Variants in ANKRD44 observed in about 807,000 individuals in gnomAD.
The protein encoded by ANKRD44 is ankyrin repeat domain 44, also known as serine/threonine-protein phosphatase 6 regulatory ankyrin repeat subunit B.
In ANKRD44, 35 loss-of-function variants were observed where a neutral mutation model predicts 116.0. The observed-to-expected ratio is 0.30, with a 90% CI of 0.23 to 0.40. ANKRD44 has a LOEUF of 0.40. Among genes scored for constraint, ANKRD44 ranks in the 10% least tolerant of loss-of-function variants. The pLI, the probability that ANKRD44 is intolerant of heterozygous loss-of-function variation, is 1.00. For synonymous variants in ANKRD44, 435 were observed against 461.8 expected (o/e 0.94, Z 0.74); for missense variants, 1,014 against 1,242.6 (o/e 0.82, Z 2.77).
At chr2:197,040,763 T>C (rs1359120887) in intron 16 of ANKRD44, among the ~76,000 whole-genome samples, 1 of 152,204 alleles carries the variant, frequency 6.6e-6, no homozygotes, top group Non-Finnish European at 1.5e-5. Context: ...CATAGCTTAT[T>C]GCCCTGTAGG....
chr2:197,209,424 C>T (rs1018082863), intron 1 of ANKRD44, among the ~76,000 whole-genome samples: 1 of 152,132 alleles, frequency 6.6e-6, no homozygotes, highest in Non-Finnish European at 1.5e-5. Context: ...GGATGGGAGT[C>T]GGAGAAAGGC....
chr2:197,124,398 CAT>C (rs1400996537), intron 6 of ANKRD44, among the ~76,000 whole-genome samples: 1 of 152,162 alleles, frequency 6.6e-6, no homozygotes, highest in African/African-American at 2.4e-5. Context: ...CATCCACAAT[CAT>C]AAATCCCCAA....
chr2:197,096,772 G>A (rs2078170584), intron 10 of ANKRD44, among the ~76,000 whole-genome samples: 2 of 152,114 alleles, frequency 1.3e-5, no homozygotes, highest in Admixed American at 1.3e-4. Context: ...CCAGATAACA[G>A]TGATTTTCTG....
intron 9 of ANKRD44, among the ~76,000 whole-genome samples, chr2:197,105,183 G>A (rs947029517): frequency 8.6e-5 from 13 of 151,694 alleles, no homozygotes; most frequent in South Asian, 4.2e-4. Flanking sequence ...GTGTAATCTC[G>A]GCTCACTGCA....
intron 8 of ANKRD44, among the ~76,000 whole-genome samples, chr2:197,120,333 A>C (rs1246323628): frequency 6.6e-6 from 1 of 152,186 alleles, no homozygotes; most frequent in Non-Finnish European, 1.5e-5. Flanking sequence ...TACATCACTG[A>C]AGCCACTATC....
At chr2:197,202,938 AT>A (rs1402608732) in intron 1 of ANKRD44, among the ~76,000 whole-genome samples, 1 of 151,180 alleles carries the variant, frequency 6.6e-6, no homozygotes, top group Non-Finnish European at 1.5e-5. Context: ...TTTTGGCTGG[AT>A]TGCATATCAA....
intron 1 of ANKRD44, among the ~76,000 whole-genome samples, chr2:197,281,126 G>T (rs1051587592): frequency 9.2e-5 from 14 of 152,046 alleles, no homozygotes; most frequent in African/African-American, 3.1e-4. Context: ...TTTGCAAATG[G>T]ATTTCACTAA....
intron 16 of ANKRD44, among the ~76,000 whole-genome samples, chr2:197,072,757 T>C (rs2077587316): frequency 6.6e-6 from 1 of 152,220 alleles, no homozygotes; most frequent in South Asian, 2.1e-4. Flanking sequence ...AATTTTTTCC[T>C]GAAACAATGA....
intron 17 of ANKRD44, among the ~76,000 whole-genome samples, chr2:197,018,222 C>T (rs1272867196): frequency 6.6e-6 from 1 of 152,166 alleles, no homozygotes; most frequent in Non-Finnish European, 1.5e-5. Flanking sequence ...TCACATCATT[C>T]CTTGCTTAAA....
chr2:197,102,295 T>C (rs2078312012), intron 9 of ANKRD44, among the ~76,000 whole-genome samples: 1 of 152,238 alleles, frequency 6.6e-6, no homozygotes, highest in African/African-American at 2.4e-5. Context: ...TGTATGTTGC[T>C]TCATATTTGT....
intron 16 of ANKRD44, among the ~76,000 whole-genome samples, chr2:197,047,600 A>G (rs1468291296): frequency 6.6e-6 from 1 of 152,110 alleles, no homozygotes; most frequent in Non-Finnish European, 1.5e-5. Context: ...ATTTTCCAAA[A>G]CAGAGAGGGG....
rs573644210 is a variant in ANKRD44 at position 197,172,117 on chromosome 2, C to T, written c.111+14906G>A. On this transcript the variant is annotated intron_variant, in intron 2 of 27. Coordinates refer to ENST00000282272, the MANE Select transcript of ANKRD44 (RefSeq NM_001195144.2). ...CCAGCGTCAAGTAATTCTCCTGCCT[C>T]AGCCTTCCAAATAGCTGGGATTACA... Among the ~76,000 whole-genome samples the T allele has an allele frequency of 2.6e-5, 4 of 151,632 alleles. No homozygotes were observed. In the South Asian group the frequency reaches 6.3e-4, roughly 24 times the overall value.
intron 1 of ANKRD44, among the ~76,000 whole-genome samples, chr2:197,216,864 G>T (rs1158997546): frequency 9.6e-5 from 4 of 41,680 alleles, no homozygotes; most frequent in Non-Finnish European, 1.7e-4. Flanking sequence ...CAAGCACATT[G>T]GTTAAACACA....
chr2:197,003,870 G>C (rs993455311), intron 21 of ANKRD44, among the ~76,000 whole-genome samples: 5 of 152,058 alleles, frequency 3.3e-5, no homozygotes, highest in African/African-American at 1.2e-4. Flanking sequence ...TGGCAGGAAG[G>C]GAACAAAACC....
chr2:196,993,141 T>A (rs1293775128), intron 27 of ANKRD44, among the ~76,000 whole-genome samples: 2 of 152,216 alleles, frequency 1.3e-5, no homozygotes, highest in African/African-American at 4.8e-5. Flanking sequence ...TGAGTTCTGA[T>A]CTGTACTTAA....
At chr2:197,278,129 A>G (rs2083146390) in intron 1 of ANKRD44, among the ~76,000 whole-genome samples, 1 of 152,086 alleles carries the variant, frequency 6.6e-6, no homozygotes, top group Non-Finnish European at 1.5e-5. Context: ...CAATCAGGAC[A>G]GTATCAGTGG....
chr2:197,041,669 C>T (rs1451974036), intron 16 of ANKRD44, among the ~76,000 whole-genome samples: 1 of 152,138 alleles, frequency 6.6e-6, no homozygotes, highest in Non-Finnish European at 1.5e-5. Flanking sequence ...TGGCCTCCTT[C>T]CTGCTTAGAA....
intron 25 of ANKRD44, among the ~76,000 whole-genome samples, chr2:196,998,042 G>T (rs910915042): frequency 6.6e-6 from 1 of 152,010 alleles, no homozygotes; most frequent in Admixed American, 6.6e-5. Context: ...CAACCAGAGA[G>T]ACAGATACGA....
chr2:197,029,460 G>T, intron 16 of ANKRD44: 1 of 397,970 alleles, frequency 2.5e-6, no homozygotes, highest in South Asian at 1.9e-5. Context: ...TCTTATGCAT[G>T]GGAAGATTTT....
Sources: allele counts gnomAD v4.1 joint callset (sites outside exome capture counted in the v4.1 genomes callset), GRCh38; gene constraint gnomAD v4.1.1; transcripts MANE v1.5; gene names NCBI Gene and HGNC (gene_info 2026-07-23, HGNC 2026-07-21).